Variants in SLC16A7 observed in about 807,000 individuals in gnomAD.
The protein encoded by SLC16A7 is solute carrier family 16 member 7.
A neutral mutation model predicts 34.9 loss-of-function variants in SLC16A7; 33 were observed. The observed-to-expected ratio is 0.94, with a 90% confidence interval of 0.72 to 1.26. SLC16A7 has a LOEUF of 1.26. Among genes scored for constraint, SLC16A7 ranks in the 50% most tolerant of loss-of-function variants. SLC16A7 has a pLI of 0.00. For missense variants in SLC16A7, 573 were observed against 578.1 expected (o/e 0.99, Z 0.09); for synonymous variants, 201 against 206.6 (o/e 0.97, Z 0.23).
chr12:59,669,566 T>A (rs937851889), intron 2 of SLC16A7, among the ~76,000 whole-genome samples: 2 of 152,180 alleles, frequency 1.3e-5, no homozygotes, highest in Admixed American at 6.5e-5. Context: ...TCAGAAAGTT[T>A]GTCTCTGTTC....
intron 1 of SLC16A7, among the ~76,000 whole-genome samples, chr12:59,616,582 G>A (rs1393384950): frequency 6.6e-6 from 1 of 152,024 alleles, no homozygotes; most frequent in African/African-American, 2.4e-5. Flanking sequence ...TGCAAAAATA[G>A]GCCCATCGCC....
At chr12:59,739,665 G>A (rs1878057302) in intron 3 of SLC16A7, among the ~76,000 whole-genome samples, 1 of 151,704 alleles carries the variant, frequency 6.6e-6, no homozygotes, top group Non-Finnish European at 1.5e-5. Flanking sequence ...CACCAACAGT[G>A]TAGAAGTGTT....
At chr12:59,764,806 T>C (rs1440245170) in intron 3 of SLC16A7, among the ~76,000 whole-genome samples, 2 of 152,026 alleles carry the variant, frequency 1.3e-5, no homozygotes, top group Non-Finnish European at 2.9e-5. Flanking sequence ...TGTGCATGTG[T>C]CTTTATAGCA....
At chr12:59,621,881 A>G (rs1185343633) in intron 1 of SLC16A7, among the ~76,000 whole-genome samples, 1 of 151,750 alleles carries the variant, frequency 6.6e-6, no homozygotes, top group African/African-American at 2.4e-5. Context: ...TGAGGAAATT[A>G]TGCATTTTAG....
intron 1 of SLC16A7, among the ~76,000 whole-genome samples, chr12:59,637,561 C>T (rs1183750544): frequency 1.3e-5 from 2 of 151,856 alleles, no homozygotes; most frequent in East Asian, 3.9e-4. Context: ...AATAGGTTGA[C>T]ACTCCTATAG....
chr12:59,715,918 G>C (rs761818678), intron 3 of SLC16A7, among the ~76,000 whole-genome samples: 3 of 152,076 alleles, frequency 2.0e-5, no homozygotes, highest in Non-Finnish European at 4.4e-5. Context: ...CAACCACAAA[G>C]CTAATTTACA....
intron 2 of SLC16A7, among the ~76,000 whole-genome samples, chr12:59,686,253 A>G (rs1482937977): frequency 6.6e-6 from 1 of 151,958 alleles, no homozygotes; most frequent in African/African-American, 2.4e-5. Flanking sequence ...TGTGTTTTAC[A>G]TGCTAAGACA....
In SLC16A7 at chr12:59,774,661, A is replaced by AG. The variant is rs1243008966; in HGVS notation, c.368dup (p.Leu124PhefsTer18). 2 of 1,565,410 alleles carry AG rather than the reference A, an allele frequency of 1.3e-6. No homozygotes were observed. Among genetic ancestry groups the AG allele is most frequent in the African/African-American group, 2.8e-5 (2 of 72,528 alleles). On this transcript the variant is annotated frameshift_variant, in exon 5 of 6. Transcript: ENST00000547379. LOFTEE classifies it high-confidence loss of function. Reference sequence around the variant, plus strand: ...CTTTTGTTTTGTTCTTTTTAGGTTTAGGTTTAGCCTTCAACCTGCAACCCG... The same window carrying AG: ...CTTTTGTTTTGTTCTTTTTAGGTTTAGGGTTTAGCCTTCAACCTGCAACCCG...
At chr12:59,773,475 C>T (rs1441287027) in intron 4 of SLC16A7, among the ~76,000 whole-genome samples, 1 of 152,118 alleles carries the variant, frequency 6.6e-6, no homozygotes, top group Non-Finnish European at 1.5e-5. Context: ...AGAACTCTTA[C>T]CTCTCTAGCC....
intron 3 of SLC16A7, among the ~76,000 whole-genome samples, chr12:59,751,972 C>G (rs12824312): frequency 0.12 from 18,657 of 152,206 alleles, 1,493 homozygotes; most frequent in African/African-American, 0.22. Flanking sequence ...TCTGCAGCCA[C>G]CAGTGCTGGT....
chr12:59,737,129 A>T (rs551472920), intron 3 of SLC16A7, among the ~76,000 whole-genome samples: 3 of 152,324 alleles, frequency 2.0e-5, no homozygotes, highest in African/African-American at 7.2e-5. Flanking sequence ...TGGGGAAGGG[A>T]TCTGCAAATG....
chr12:59,701,732 A>G (rs1200937057), intron 2 of SLC16A7, among the ~76,000 whole-genome samples: 1 of 151,782 alleles, frequency 6.6e-6, no homozygotes, highest in African/African-American at 2.4e-5. Context: ...TCCCATATTT[A>G]TAACATGATT....
At position 59,771,218 on chromosome 12, in the gene SLC16A7, G is replaced by A; in HGVS notation, c.218-1G>A. 1 of 1,610,978 alleles carries A rather than the reference G, an allele frequency of 6.2e-7. No individual in the cohort carries two copies. The highest frequency in any genetic ancestry group is 8.5e-7 in the Non-Finnish European group (1 of 1,178,584). The stretch of plus-strand genomic sequence containing the variant: ...ATTTCTTTATCTCCTCTCTGCTGTA[G>A]GTCCTGTAAGTAGTGTTTTGGTGAA... On this transcript the variant is annotated splice_acceptor_variant, in intron 3 of 5. Coordinates refer to ENST00000547379, the MANE Select transcript of SLC16A7 (RefSeq NM_001270623.2). LOFTEE classifies it high-confidence loss of function.
At chr12:59,760,796 A>C (rs530227974) in intron 3 of SLC16A7, among the ~76,000 whole-genome samples, 17 of 152,136 alleles carry the variant, frequency 1.1e-4, no homozygotes, top group African/African-American at 4.1e-4. Context: ...CACAATTTAA[A>C]ACTTATGAAT....
At chr12:59,683,530 A>G (rs1565647028) in intron 2 of SLC16A7, among the ~76,000 whole-genome samples, 2 of 152,212 alleles carry the variant, frequency 1.3e-5, no homozygotes, top group Non-Finnish European at 2.9e-5. Flanking sequence ...AAAGGGAATT[A>G]CTTATTAAAG....
rs148767274 is a variant in SLC16A7 at position 59,789,234 on chromosome 12, A to C, written c.*9555A>C. On this transcript the variant is annotated 3_prime_UTR_variant, in exon 6 of 6. Coordinates refer to ENST00000547379, the MANE Select transcript of SLC16A7 (RefSeq NM_001270623.2). ...GATAGATATTGATTATTAAAATGCT[A>C]CTACAGTATTCTACGATGCAGGCTG... The C allele has an allele frequency of 1.1e-4, 17 of 152,234 alleles. No homozygotes were observed. Among genetic ancestry groups the C allele is most frequent in the Admixed American group, 2.0e-4 (3 of 15,288 alleles). The allele number at this position is 152,234 out of a possible 1,614,324, so 9.4% of individuals were successfully genotyped here.
chr12:59,656,638 T>C (rs1256583571), intron 2 of SLC16A7, among the ~76,000 whole-genome samples: 2 of 152,030 alleles, frequency 1.3e-5, no homozygotes, highest in Admixed American at 6.6e-5. Flanking sequence ...TTGTGGTTGT[T>C]TGTTACAGCA....
Position 59,786,456 on chromosome 12 carries a change from G to T in SLC16A7, c.*6777G>T, listed in dbSNP as rs1883629988. On this transcript the variant is annotated 3_prime_UTR_variant, in exon 6 of 6. Coordinates refer to ENST00000547379, the MANE Select transcript of SLC16A7 (RefSeq NM_001270623.2). ...TCTCAAGAGTACATATTTCTGACAA[G>T]CTTTTCAATGGTACGATGGATTTTA... 6.6e-6 allele frequency: 1 copy of T among 151,842 alleles called. No homozygotes were observed. Among genetic ancestry groups the T allele is most frequent in the Non-Finnish European group, 1.5e-5 (1 of 67,938 alleles). The allele number at this position is 151,842 out of a possible 1,614,324, so 9.4% of individuals were successfully genotyped here. A position where few individuals can be genotyped will look rare whatever the true frequency, so the allele number is the denominator to read the frequency against.
At chr12:59,760,697 C>T (rs545041410) in intron 3 of SLC16A7, among the ~76,000 whole-genome samples, 123 of 152,050 alleles carry the variant, frequency 8.1e-4, no homozygotes, top group African/African-American at 2.9e-3. Flanking sequence ...ATCTATACAG[C>T]GTGAATACAC....
Sources: allele counts gnomAD v4.1 joint callset (sites outside exome capture counted in the v4.1 genomes callset), GRCh38; gene constraint gnomAD v4.1.1; transcripts MANE v1.5; gene names NCBI Gene and HGNC (gene_info 2026-07-23, HGNC 2026-07-21).